Variants in DEFB121 observed in about 807,000 individuals in gnomAD.
DEFB121 encodes beta-defensin 121.
DEFB121 carries 5 observed loss-of-function variants against 2.5 expected under a neutral mutation model. The observed-to-expected ratio is 1.96, with a 90% confidence interval of 1.03 to 4.13. The LOEUF (loss-of-function observed/expected upper bound fraction) is 4.13, where lower values mean the gene tolerates loss of function less well. Among genes scored for constraint, DEFB121 ranks in the 30% most tolerant of loss-of-function variants. DEFB121 has a pLI of 0.00. For synonymous variants in DEFB121, 39 were observed against 32.6 expected, an observed-to-expected ratio of 1.20 and a Z score of -0.67; for missense variants, 87 against 85.0, an observed-to-expected ratio of 1.02 and a Z score of -0.09.
chr20:31,412,907 G>A (rs1978703874), upstream of DEFB121: 1 of 243,846 alleles, frequency 4.1e-6, no homozygotes, highest in African/African-American at 2.3e-5. Context: ...CAGAGGAAAT[G>A]CCTGGCTTTT....
rs1396383925 is a variant in DEFB121, at chr20:31,405,030, T to A, written c.114A>T (p.Glu38Asp). The change falls in exon 2 of 2, where the codon GAA becomes GAT. Residue 38 changes from glutamate (E) to aspartate (D), a missense_variant. Coordinates refer to ENST00000376314, the MANE Select transcript of DEFB121 (RefSeq NM_001011878.3). Reference sequence around the variant, plus strand: ...CAGTTTTGCATAATATATAGTATACTTCACTTTCTTTACATGTTGTTCTGC... The same window carrying A: ...CAGTTTTGCATAATATATAGTATACATCACTTTCTTTACATGTTGTTCTGC... ...GRCRTTCKESEVYYILCKTEA... is the reference protein window; with the variant it reads ...GRCRTTCKESDVYYILCKTEA... 6.2e-7 allele frequency: 1 copy of A among 1,611,318 alleles called. No homozygotes were observed. Among genetic ancestry groups the A allele is most frequent in the South Asian group, 1.1e-5 (1 of 90,170 alleles).
chr20:31,417,186 A>G (rs1210448453), upstream of DEFB121, among the ~76,000 whole-genome samples: 4 of 152,108 alleles, frequency 2.6e-5, no homozygotes, highest in Non-Finnish European at 5.9e-5. Context: ...CTGTACTAAC[A>G]ATACAAAAAT....
chr20:31,410,151 C>T (rs191868035), upstream of DEFB121, among the ~76,000 whole-genome samples: 149 of 152,226 alleles, frequency 9.8e-4, 1 homozygote, highest in South Asian at 3.7e-3. Context: ...TAATGTGGTA[C>T]ACATATACCA....
chr20:31,407,506 A>ACATGCCC (rs1978520547), upstream of DEFB121, among the ~76,000 whole-genome samples: 1 of 152,196 alleles, frequency 6.6e-6, no homozygotes, highest in Non-Finnish European at 1.5e-5. Flanking sequence ...TATGAGAAGA[A>ACATGCCC]CATGCCCCAG....
upstream of DEFB121, among the ~76,000 whole-genome samples, chr20:31,417,633 G>A (rs953423868): frequency 6.6e-6 from 1 of 152,046 alleles, no homozygotes; most frequent in African/African-American, 2.4e-5. Flanking sequence ...CCCACCGAGT[G>A]CTCAGAAAAA....
At chr20:31,412,752 C>G (rs1814390944) in exon 1 of DEFB121, 1 of 1,096,122 alleles carries the variant, frequency 9.1e-7, no homozygotes, top group Non-Finnish European at 1.2e-6. Flanking sequence ...AGAGATCTCT[C>G]TGCTCACCGT....
At chr20:31,405,924 G>A (rs903938585) in intron 1 of DEFB121, among the ~76,000 whole-genome samples, 171 bp downstream of exon 1, 12 of 152,208 alleles carry the variant, frequency 7.9e-5, no homozygotes, top group Admixed American at 2.6e-4. Context: ...GCACTGGGAA[G>A]ACCATTTGGT....
chr20:31,417,292 T>C (rs1036560344), upstream of DEFB121, among the ~76,000 whole-genome samples: 3 of 151,576 alleles, frequency 2.0e-5, no homozygotes, highest in African/African-American at 7.3e-5. Context: ...TTGCAGTGAG[T>C]GGAGGTCACA....
chr20:31,414,563 C>T (rs1257215015), upstream of DEFB121, among the ~76,000 whole-genome samples: 2 of 152,140 alleles, frequency 1.3e-5, no homozygotes, highest in Admixed American at 1.3e-4. Context: ...GTGAATGAGC[C>T]TTGAGGGCGT....
upstream of DEFB121, among the ~76,000 whole-genome samples, chr20:31,416,038 G>A (rs895551904): frequency 7.4e-6 from 1 of 135,166 alleles, no homozygotes; most frequent in Non-Finnish European, 1.6e-5. Context: ...AGAGATCTGC[G>A]CCCTTCTTCC....
At chr20:31,411,171 T>G (rs149096819), upstream of DEFB121, among the ~76,000 whole-genome samples, 759 of 152,336 alleles carry the variant, frequency 5.0e-3, 6 homozygotes, top group African/African-American at 0.017. Context: ...CACAAAAAAC[T>G]GTGAAACAAA....
At chr20:31,409,568 C>T (rs1288215328), upstream of DEFB121, among the ~76,000 whole-genome samples, 2 of 152,062 alleles carry the variant, frequency 1.3e-5, no homozygotes, top group African/African-American at 2.4e-5. Context: ...TGGTGAAACC[C>T]TGTCTCTACC....
intron 1 of DEFB121, among the ~76,000 whole-genome samples, chr20:31,405,735 C>G (rs973820813): frequency 9.9e-5 from 15 of 152,164 alleles, no homozygotes; most frequent in African/African-American, 3.4e-4. Context: ...GAACCATTTT[C>G]CTAGAGGCAA....
upstream of DEFB121, among the ~76,000 whole-genome samples, chr20:31,416,727 A>G (rs1395742410): frequency 6.6e-6 from 1 of 152,238 alleles, no homozygotes; most frequent in Non-Finnish European, 1.5e-5. Flanking sequence ...ACCTTTCTGT[A>G]ACATCTACCT....
At chr20:31,416,892 T>C (rs928983565), upstream of DEFB121, among the ~76,000 whole-genome samples, 4 of 152,188 alleles carry the variant, frequency 2.6e-5, no homozygotes, top group South Asian at 4.1e-4. Context: ...TAGAACAGTA[T>C]ATTCTCTTAT....
chr20:31,417,023 C>T (rs1978825861), upstream of DEFB121, among the ~76,000 whole-genome samples: 1 of 152,082 alleles, frequency 6.6e-6, no homozygotes, highest in Non-Finnish European at 1.5e-5. Context: ...GGCCCAGTAG[C>T]TTGTCTATAT....
At chr20:31,415,650 T>TAA (rs142526599), upstream of DEFB121, among the ~76,000 whole-genome samples, 4 of 151,316 alleles carry the variant, frequency 2.6e-5, no homozygotes, top group Non-Finnish European at 5.9e-5. Flanking sequence ...TCAAAATAAA[T>TAA]ATATATATAT....
At chr20:31,409,429 T>C (rs1414814080), upstream of DEFB121, among the ~76,000 whole-genome samples, 3 of 152,206 alleles carry the variant, frequency 2.0e-5, no homozygotes, top group African/African-American at 7.2e-5. Flanking sequence ...TAACCACTGC[T>C]ATGCAACATA....
chr20:31,406,136 A>T lies in DEFB121; in HGVS notation c.17T>A (p.Leu6Gln). 1.9e-6 allele frequency: 3 copies of T among 1,614,112 alleles called. No individual in the cohort carries two copies. The highest frequency in any genetic ancestry group is 2.5e-6 in the Non-Finnish European group (3 of 1,179,988). MKLLLLLLTVTLLLAQ... is the reference protein window; with the variant it reads MKLLLQLLTVTLLLAQ... The stretch of plus-strand genomic sequence containing the variant: ...CAGGAGCAGAGTAACAGTCAAAAGC[A>T]GAAGAAGGAGCTTCATGAATGATGA... The change falls in exon 1 of 2, where the codon CTG becomes CAG. Residue 6 changes from leucine to glutamine, a missense_variant. Coordinates refer to ENST00000376314, the MANE Select transcript of DEFB121 (RefSeq NM_001011878.3).
Sources: allele counts gnomAD v4.1 joint callset (sites outside exome capture counted in the v4.1 genomes callset), GRCh38; gene constraint gnomAD v4.1.1; transcripts MANE v1.5; gene names NCBI Gene and HGNC (gene_info 2026-07-23, HGNC 2026-07-21).